TDRD12: variants seen among roughly 807,000 people sequenced by gnomAD.
TDRD12 encodes the protein putative ATP-dependent RNA helicase TDRD12.
TDRD12 carries 158 observed loss-of-function variants against 133.5 expected under a neutral mutation model. The observed-to-expected ratio is 1.18, with a 90% CI of 1.04 to 1.35. The LOEUF (loss-of-function observed/expected upper bound fraction) is 1.35. TDRD12 is among the 40% of genes most tolerant of loss of function. The pLI is 0.00. For missense variants in TDRD12, 1,443 were observed against 1,321.3 expected, an observed-to-expected ratio of 1.09 and a Z score of -1.43; for synonymous variants, 460 against 477.9, an observed-to-expected ratio of 0.96 and a Z score of 0.49.
Position 32,755,992 on chromosome 19 carries a change from G to A in TDRD12, c.583G>A (p.Val195Ile), listed in dbSNP as rs1001686345. 18 of 1,456,700 alleles carry A rather than the reference G, an allele frequency of 1.2e-5. No homozygotes were observed. The African/African-American group carries it at 2.1e-4, about 17-fold the overall frequency. The allele number at this position is 1,456,700 out of a possible 1,614,324, so 90.2% of individuals were successfully genotyped here. The change falls in exon 7 of 28, where the codon GTT becomes ATT. Residue 195 changes from valine (V) to isoleucine (I), a missense_variant and splice_region_variant. Val to Ile is a conservative substitution (Grantham distance 29, BLOSUM62 3). Coordinates refer to ENST00000444215, the Ensembl canonical transcript of TDRD12. ...TCATGAAATGTTTAAAATTTTACAG[G>A]TTTGTGTTAATGATGATCTTGTTGC...
intron 17 of TDRD12, 69 bp downstream of exon 17, chr19:32,800,427 C>T (rs561959077): frequency 8.3e-7 from 1 of 1,206,916 alleles, no homozygotes; most frequent in South Asian, 1.8e-5. Flanking sequence ...GGCTGATGAA[C>T]ACAAGCAAGT....
Position 32,801,836 on chromosome 19 carries a change from G to A in TDRD12, c.2160G>A (p.Trp720Ter). The change falls in exon 19 of 28, where the codon TGG becomes TGA. Residue 720 changes from tryptophan to a stop codon, truncating the protein, a stop_gained. Coordinates refer to ENST00000444215, the Ensembl canonical transcript of TDRD12. LOFTEE classifies it high-confidence loss of function. ...ACTTACAAAATGTTTTAGAACAGTG[G>A]AAGAAGAAGTTAAGTTCTGGCTCTC... 6.9e-7 allele frequency: 1 copy of A among 1,455,322 alleles called. No individual in the cohort carries two copies. The highest frequency in any genetic ancestry group is 1.3e-5 in the South Asian group (1 of 77,202). The allele number at this position is 1,455,322 out of a possible 1,614,324, so 90.2% of individuals were successfully genotyped here. A position where few individuals can be genotyped will look rare whatever the true frequency, so the allele number is the denominator to read the frequency against.
intron 26 of TDRD12, among the ~76,000 whole-genome samples, chr19:32,817,725 G>A (rs1967228360): frequency 6.6e-6 from 1 of 151,644 alleles, no homozygotes; most frequent in East Asian, 1.9e-4. Context: ...CAGCAGCCAT[G>A]CCCGAGGCCT....
chr19:32,744,198 C>T (rs1197170503), intron 4 of TDRD12, among the ~76,000 whole-genome samples: 2 of 151,708 alleles, frequency 1.3e-5, no homozygotes, highest in African/African-American at 2.4e-5. Flanking sequence ...AGTACAGTCC[C>T]GTAAGTATAT....
At chr19:32,751,711 C>T (rs1037558501) in intron 6 of TDRD12, among the ~76,000 whole-genome samples, 1 of 152,100 alleles carries the variant, frequency 6.6e-6, no homozygotes, top group African/African-American at 2.4e-5. Flanking sequence ...TCACAAGTAG[C>T]TGAGACTATA....
At chr19:32,729,735 T>TGGGTA (rs1568445029) in intron 1 of TDRD12, among the ~76,000 whole-genome samples, 1 of 150,582 alleles carries the variant, frequency 6.6e-6, no homozygotes. Flanking sequence ...TTCCAATATC[T>TGGGTA]GGGTATCTTG....
At chr19:32,746,760 G>A (rs1969651816) in intron 4 of TDRD12, among the ~76,000 whole-genome samples, 1 of 151,188 alleles carries the variant, frequency 6.6e-6, no homozygotes, top group Non-Finnish European at 1.5e-5. Flanking sequence ...GAGACGGGGA[G>A]AGAGACTGGC....
intron 21 of TDRD12, among the ~76,000 whole-genome samples, chr19:32,804,475 C>T (rs1971486639): frequency 6.6e-6 from 1 of 150,554 alleles, no homozygotes; most frequent in South Asian, 2.1e-4. Context: ...AGGCAGATCA[C>T]AAGGTCAAGA....
rs1434644659 is a variant in TDRD12 at position 32,800,785 on chromosome 19, C to G, written c.2079+13C>G. On this transcript the variant is annotated intron_variant, in intron 18 of 27. Coordinates refer to ENST00000444215, the Ensembl canonical transcript of TDRD12. ...AATAGTGTGTAAGGTGAGTCCATCTCCATATAAAAAATGTTCTGTTTGTTT... is the reference window on the plus strand; with the variant it reads ...AATAGTGTGTAAGGTGAGTCCATCTGCATATAAAAAATGTTCTGTTTGTTT... 1 of 1,506,588 alleles carries G rather than the reference C, an allele frequency of 6.6e-7. No individual in the cohort carries two copies. The highest frequency in any genetic ancestry group is 2.3e-5 in the Admixed American group (1 of 44,044). 93.3% of individuals were successfully genotyped at this position (1,506,588 alleles called of 1,614,324 possible).
intron 4 of TDRD12, among the ~76,000 whole-genome samples, chr19:32,747,584 C>G (rs566574233): frequency 1.3e-5 from 2 of 152,248 alleles, no homozygotes; most frequent in African/African-American, 4.8e-5. Flanking sequence ...TCCTCTTTCC[C>G]CACTGCCTAC....
intron 13 of TDRD12, among the ~76,000 whole-genome samples, chr19:32,791,869 A>C (rs1568480913): frequency 6.6e-6 from 1 of 151,624 alleles, no homozygotes; most frequent in African/African-American, 2.4e-5. Flanking sequence ...CAGAGCCTCC[A>C]GTTGGGCGTT....
At chr19:32,773,037 G>C (rs1568469580) in intron 9 of TDRD12, among the ~76,000 whole-genome samples, 187 bp downstream of exon 9, 1 of 152,174 alleles carries the variant, frequency 6.6e-6, no homozygotes, top group African/African-American at 2.4e-5. Flanking sequence ...AGTAGCTCCA[G>C]CTTCTTCATG....
chr19:32,727,177 G>A (rs1351323479), intron 1 of TDRD12, among the ~76,000 whole-genome samples: 1 of 152,096 alleles, frequency 6.6e-6, no homozygotes, highest in Non-Finnish European at 1.5e-5. Context: ...TGAGTGTCAG[G>A]TAGTATCTCA....
Position 32,798,301 on chromosome 19 carries a change from A to T in TDRD12, c.1631-7A>T. On this transcript the variant is annotated splice_polypyrimidine_tract_variant and splice_region_variant and intron_variant, in intron 15 of 27. Transcript: ENST00000444215. ...TTGAAAATGTTCACTTTTTTTTTTA[A>T]ATGCAGGTGATGTGATTGTTACGAC... is the stretch of plus-strand genomic sequence containing the variant. 6.6e-7 allele frequency: 1 copy of T among 1,512,554 alleles called. No individual in the cohort carries two copies. The highest frequency in any genetic ancestry group is 2.1e-5 in the Admixed American group (1 of 48,624). 93.7% of individuals were successfully genotyped at this position (1,512,554 alleles called of 1,614,324 possible).
intron 11 of TDRD12, among the ~76,000 whole-genome samples, chr19:32,786,067 C>G (rs1970899952): frequency 6.6e-6 from 1 of 152,122 alleles, no homozygotes. Context: ...GTGGCTGGTA[C>G]CGATTGTTCC....
intron 18 of TDRD12, 47 bp downstream of exon 18, chr19:32,800,819 C>A: frequency 1.4e-6 from 2 of 1,475,984 alleles, no homozygotes; most frequent in South Asian, 2.8e-5. Flanking sequence ...TTCAACTGGT[C>A]GAATCTCAAG....
intron 11 of TDRD12, among the ~76,000 whole-genome samples, chr19:32,777,850 TATATATA>T (rs1319832130): frequency 2.5e-4 from 4 of 15,818 alleles, no homozygotes; most frequent in Non-Finnish European, 3.3e-4. Context: ...TATATATATA[TATATATA>T]TTTTTTTTTT....
intron 8 of TDRD12, among the ~76,000 whole-genome samples, chr19:32,767,355 C>G (rs1302270411): frequency 6.6e-6 from 1 of 151,926 alleles, no homozygotes; most frequent in Non-Finnish European, 1.5e-5. Flanking sequence ...TCTGGAACTC[C>G]TGACCTCAGA....
intron 22 of TDRD12, among the ~76,000 whole-genome samples, chr19:32,808,452 C>T (rs892917760): frequency 6.6e-6 from 1 of 152,200 alleles, no homozygotes; most frequent in South Asian, 2.1e-4. Context: ...CTTGCATCTC[C>T]GCCAGCAGCC....
Sources: gnomAD v4.1 joint callset for allele counts (sites outside exome capture counted in the v4.1 genomes callset) on GRCh38, gnomAD v4.1.1 for gene constraint, MANE v1.5 for transcripts, NCBI Gene and HGNC (gene_info 2026-07-23, HGNC 2026-07-21) for gene names.